TJP2: variants seen among roughly 807,000 people sequenced by gnomAD.
TJP2 encodes the protein Friedreich ataxia region gene X104 (tight junction protein ZO-2).
Under a neutral mutation model 133.1 loss-of-function variants are expected in TJP2, and 91 were observed. That is an observed-to-expected ratio of 0.68 (90% CI 0.58 to 0.81). TJP2 has a LOEUF of 0.81. Among genes scored for constraint, TJP2 ranks in the 40% least tolerant of loss-of-function variants. TJP2 has a pLI of 0.00. For synonymous variants in TJP2, 592 were observed against 583.4 expected (o/e 1.01, Z -0.21); for missense variants, 1,541 against 1,565.6 (o/e 0.98, Z 0.26).
chr9:69,151,618 A>C, intron 1 of TJP2: 1 of 1,232,028 alleles, frequency 8.1e-7, no homozygotes, highest in Non-Finnish European at 1.0e-6. Context: ...GGGAATGAGC[A>C]TGTTGGATTT....
rs763749925 is a variant in TJP2, at chr9:69,237,922, A to G, written c.2224A>G (p.Ile742Val). ...PVVLFGPIAD[I>V]AMEKLANELP... The stretch of plus-strand genomic sequence containing the variant: ...GGTCTTATTCGGCCCCATAGCTGAT[A>G]TAGCAATGGAAAAATTGGCTAATGA... Residue 742 changes from isoleucine to valine, a missense_variant, in exon 15 of 23, where the codon ATA (isoleucine) becomes GTA (valine). Ile to Val is a conservative substitution (Grantham distance 29). Transcript: ENST00000377245. 1.9e-5 allele frequency: 30 copies of G among 1,613,848 alleles called. No individual in the cohort carries two copies. Among genetic ancestry groups the G allele is most frequent in the African/African-American group, 4.0e-5 (3 of 74,894 alleles).
chr9:69,246,060 G>A (rs1341107435), intron 17 of TJP2, among the ~76,000 whole-genome samples: 1 of 152,114 alleles, frequency 6.6e-6, no homozygotes, highest in African/African-American at 2.4e-5. Flanking sequence ...AAACAATATA[G>A]TATAACAACG....
Position 69,248,147 on chromosome 9 carries a change from A to G in TJP2, c.2803A>G (p.Asn935Asp), listed in dbSNP as rs1831060412. The G allele has an allele frequency of 4.3e-6, 7 of 1,613,994 alleles. No individual in the cohort carries two copies. In the East Asian group the frequency reaches 1.1e-4, roughly 26 times the overall value. Residue 935 changes from asparagine to aspartate, a missense_variant, in exon 19 of 23, where the codon AAT becomes GAT. Transcript: ENST00000377245. ...CGGTGAAGGAGGCGCCTACACTGAC[A>G]ATGAGCTGGATGAGCCAGCCGAGGA... ...TDGEGGAYTD[N>D]ELDEPAEEPL...
In TJP2 at chr9:69,237,972, T is replaced by TAGTAAGTC; in HGVS notation, c.2275_2275+7dup. 2 of 1,609,738 alleles carry TAGTAAGTC rather than the reference T, an allele frequency of 1.2e-6. No individual in the cohort carries two copies. Among genetic ancestry groups the TAGTAAGTC allele is most frequent in the Non-Finnish European group, 1.7e-6 (2 of 1,176,028 alleles). The stretch of plus-strand genomic sequence containing the variant: ...AGTTACCTGACTGGTTTCAAACTGC[T>TAGTAAGTC]AGTAAGTCTGTCAGTGTTTTTTTTT... On this transcript the variant is annotated frameshift_variant and splice_region_variant, in exon 15 of 23. Coordinates refer to ENST00000377245, the MANE Select transcript of TJP2 (RefSeq NM_004817.4). LOFTEE classifies it high-confidence loss of function.
Position 69,212,577 on chromosome 9 carries a change from A to G in TJP2, c.90A>G (p.Glu30=). ...RAPGMEELIW[E]QYTVTLQKDS... ...CAGGCATGGAAGAGCTGATATGGGA[A>G]CAGTACACTGTGACCCTACAAAAGG... Residue 30 remains glutamate, a synonymous_variant, in exon 2 of 23, where the codon GAA becomes GAG. Coordinates refer to ENST00000377245, the MANE Select transcript of TJP2 (RefSeq NM_004817.4). 1 of 1,613,526 alleles carries G rather than the reference A, an allele frequency of 6.2e-7. No individual in the cohort carries two copies. Among genetic ancestry groups the G allele is most frequent in the Non-Finnish European group, 8.5e-7 (1 of 1,179,530 alleles).
chr9:69,205,849 G>A (rs1439679847), intron 1 of TJP2, among the ~76,000 whole-genome samples: 1 of 152,138 alleles, frequency 6.6e-6, no homozygotes, highest in South Asian at 2.1e-4. Context: ...GCCTGTTCAG[G>A]GGGACTTTGG....
At chr9:69,140,812 C>T (rs1375451932) in intron 1 of TJP2, among the ~76,000 whole-genome samples, 4 of 152,106 alleles carry the variant, frequency 2.6e-5, no homozygotes, top group African/African-American at 7.2e-5. Context: ...TAATAGGGAG[C>T]GGTGTTCCCT....
intron 1 of TJP2, among the ~76,000 whole-genome samples, chr9:69,123,034 C>T (rs1336150360): frequency 2.0e-5 from 3 of 152,182 alleles, no homozygotes; most frequent in South Asian, 2.1e-4. Context: ...TGCAGGATCT[C>T]AGGCCCCACC....
chr9:69,177,047 ACCAGGGAATT>A (rs1169893928), intron 1 of TJP2, among the ~76,000 whole-genome samples: 2 of 152,210 alleles, frequency 1.3e-5, no homozygotes, highest in Non-Finnish European at 2.9e-5. Context: ...AATATGAGCC[ACCAGGGAATT>A]CCTTGCCTCA....
intron 1 of TJP2, among the ~76,000 whole-genome samples, chr9:69,208,287 T>C (rs1413276505): frequency 2.0e-5 from 3 of 152,244 alleles, no homozygotes; most frequent in African/African-American, 4.8e-5. Context: ...TTATGTTAAG[T>C]AGCTAATAGT....
intron 2 of TJP2, among the ~76,000 whole-genome samples, chr9:69,158,419 T>C (rs529204960): frequency 6.6e-6 from 1 of 152,172 alleles, no homozygotes; most frequent in East Asian, 1.9e-4. Flanking sequence ...TCTGTGCTTT[T>C]TGTTCCTTTT....
intron 1 of TJP2, among the ~76,000 whole-genome samples, chr9:69,192,443 A>G (rs1826266788): frequency 6.6e-6 from 1 of 152,100 alleles, no homozygotes. Context: ...GAGCAGTCGG[A>G]GAAAGCTTGG....
chr9:69,237,167 A>G (rs1563946961), intron 14 of TJP2, 31 bp downstream of exon 14: 3 of 1,613,032 alleles, frequency 1.9e-6, no homozygotes, highest in Non-Finnish European at 2.5e-6. Flanking sequence ...CTGGAAATGA[A>G]CTGACTGGGC....
chr9:69,225,183 C>A, intron 5 of TJP2, 121 bp from the exon 6 acceptor site: 1 of 687,390 alleles, frequency 1.5e-6, no homozygotes, highest in Non-Finnish European at 2.6e-6. Context: ...AGTCATCTTA[C>A]AGAATTTCCC....
In TJP2 at chr9:69,221,176, G is replaced by C; in HGVS notation, c.632G>C (p.Arg211Pro). 1 of 1,594,956 alleles carries C rather than the reference G, an allele frequency of 6.3e-7. No individual in the cohort carries two copies. The highest frequency in any genetic ancestry group is 8.5e-7 in the Non-Finnish European group (1 of 1,170,098). Residue 211 changes from arginine (R) to proline (P), a missense_variant, in exon 5 of 23, where the codon CGC becomes CCC. Coordinates refer to ENST00000377245, the MANE Select transcript of TJP2 (RefSeq NM_004817.4). ...CGGGGCCTGGACCAAGACCATGCGC[G>C]CACCCGAGACCGCAGCCGTGGCCGG... Reference protein sequence around the residue: ...LERGLDQDHARTRDRSRGRSL... With the variant: ...LERGLDQDHAPTRDRSRGRSL...
intron 21 of TJP2, among the ~76,000 whole-genome samples, chr9:69,252,506 C>T (rs961310978): frequency 6.6e-6 from 1 of 152,310 alleles, no homozygotes; most frequent in African/African-American, 2.4e-5. Flanking sequence ...GTAGGAACCT[C>T]CTATAAGTAG....
At chr9:69,155,153 A>G (rs747957716) in intron 2 of TJP2, among the ~76,000 whole-genome samples, 2 of 145,554 alleles carry the variant, frequency 1.4e-5, no homozygotes, top group South Asian at 4.6e-4. Context: ...GGTGGGCCAG[A>G]GATTGCAGTG....
chr9:69,245,358 A>G (rs1830848776), intron 17 of TJP2, among the ~76,000 whole-genome samples: 1 of 152,206 alleles, frequency 6.6e-6, no homozygotes, highest in Non-Finnish European at 1.5e-5. Context: ...GTGATAGTAC[A>G]ATAAGAGGCC....
At chr9:69,225,804 T>TA (rs1829301838) in intron 6 of TJP2, among the ~76,000 whole-genome samples, 1 of 152,220 alleles carries the variant, frequency 6.6e-6, no homozygotes, top group Non-Finnish European at 1.5e-5. Context: ...GCTTGGAAGT[T>TA]AAATAAATTA....
Sources: gnomAD v4.1 joint callset for allele counts (sites outside exome capture counted in the v4.1 genomes callset) on GRCh38, gnomAD v4.1.1 for gene constraint, MANE v1.5 for transcripts, NCBI Gene and HGNC (gene_info 2026-07-23, HGNC 2026-07-21) for gene names.